Variants in CNGB3 observed in about 807,000 individuals in gnomAD.
CNGB3 encodes the protein cyclic nucleotide-gated channel beta-3.
Under a neutral mutation model 92.8 loss-of-function variants are expected in CNGB3, and 86 were observed. The ratio of observed to expected loss-of-function variants is 0.93; its 90% CI spans 0.78 to 1.11. The LOEUF is 1.11. Among genes scored for constraint, CNGB3 ranks in the 50% least tolerant of loss-of-function variants. The pLI, the probability that CNGB3 is intolerant of heterozygous loss-of-function variation, is 0.00. For missense variants in CNGB3, 1,026 were observed against 956.8 expected (o/e 1.07, Z -0.95); for synonymous variants, 333 against 332.7 (o/e 1.00, Z -0.01).
At chr8:86,729,329 C>G (rs968648794) in intron 2 of CNGB3, among the ~76,000 whole-genome samples, 2 of 152,178 alleles carry the variant, frequency 1.3e-5, no homozygotes, top group Non-Finnish European at 2.9e-5. Flanking sequence ...AAATGACCAA[C>G]TGTTCTGCAA....
At chr8:86,611,478 A>T in intron 14 of CNGB3, 110 bp downstream of exon 14, 1 of 792,152 alleles carries the variant, frequency 1.3e-6, no homozygotes, top group Non-Finnish European at 2.3e-6. Context: ...TTATTTCTAT[A>T]CTATGGAATT....
chr8:86,670,865 A>G, intron 4 of CNGB3, 79 bp downstream of exon 4: 2 of 1,470,058 alleles, frequency 1.4e-6, no homozygotes, highest in Non-Finnish European at 1.9e-6. Flanking sequence ...CTTTTGGGAG[A>G]TCCAAACTAA....
chr8:86,666,844 A>G, intron 6 of CNGB3, 81 bp downstream of exon 6: 2 of 1,134,984 alleles, frequency 1.8e-6, no homozygotes, highest in South Asian at 2.5e-5. Context: ...CAAACATTAA[A>G]TAAAACAATG....
In CNGB3 at chr8:86,578,829, C is replaced by T. The variant is rs1458063509; in HGVS notation, c.1963G>A (p.Ala655Thr). Residue 655 changes from alanine to threonine, a missense_variant, in exon 17 of 18, where the codon GCA becomes ACA. Physicochemically the swap from Ala to Thr is moderately conservative, Grantham distance 58. Coordinates refer to ENST00000320005, the MANE Select transcript of CNGB3 (RefSeq NM_019098.5). The part of the protein sequence containing the change: ...LLKQKAKTAE[A>T]TPPRKDLALL... ...GCAAGATCTTTTCTTGGAGGGGTTG[C>T]TTCTGCGGTCTTAGCCTTCTGCTTT... The T allele has an allele frequency of 1.2e-6, 2 of 1,614,144 alleles. No homozygotes were observed. The highest frequency in any genetic ancestry group is 1.7e-6 in the Non-Finnish European group (2 of 1,180,034).
intron 15 of CNGB3, among the ~76,000 whole-genome samples, chr8:86,580,192 G>GGGT (rs1554604970): frequency 0.012 from 1,741 of 143,890 alleles, 45 homozygotes; most frequent in African/African-American, 0.043. Context: ...GAATAGCACG[G>GGGT]GGGGGGTGGC....
At chr8:86,620,252 C>T (rs1822698315) in intron 13 of CNGB3, among the ~76,000 whole-genome samples, 1 of 152,192 alleles carries the variant, frequency 6.6e-6, no homozygotes. Flanking sequence ...TTTGTTAGGG[C>T]TGCCATAACA....
intron 6 of CNGB3, among the ~76,000 whole-genome samples, chr8:86,654,383 A>G (rs1167917418): frequency 6.6e-6 from 1 of 152,174 alleles, no homozygotes; most frequent in Non-Finnish European, 1.5e-5. Flanking sequence ...CATCAAGGCT[A>G]ACAGTGCAAA....
intron 13 of CNGB3, among the ~76,000 whole-genome samples, chr8:86,622,480 A>T (rs1822758936): frequency 6.6e-6 from 1 of 151,524 alleles, no homozygotes; most frequent in Admixed American, 6.6e-5. Flanking sequence ...ACACTTATGT[A>T]CCTTCCCCGG....
chr8:86,737,469 G>A (rs1825267849), intron 2 of CNGB3, among the ~76,000 whole-genome samples: 1 of 152,194 alleles, frequency 6.6e-6, no homozygotes, highest in South Asian at 2.1e-4. Context: ...TGAGAGTGGG[G>A]CCATTTGTTC....
intron 3 of CNGB3, among the ~76,000 whole-genome samples, chr8:86,724,836 G>A (rs999315089): frequency 2.0e-5 from 3 of 152,024 alleles, no homozygotes; most frequent in African/African-American, 2.4e-5. Flanking sequence ...CGGCAGGAGG[G>A]AACATGACAA....
chr8:86,574,501 C>A lies in CNGB3; in HGVS notation c.*1303G>T, dbSNP rs17683284. On this transcript the variant is annotated 3_prime_UTR_variant, in exon 18 of 18. Coordinates refer to ENST00000320005, the MANE Select transcript of CNGB3 (RefSeq NM_019098.5). ...AACACTACATGCAAAAACGGTGACT[C>A]TATCAAATGATGCAGTTTATTATAG... is the stretch of plus-strand genomic sequence containing the variant. 2 of 152,272 alleles carry A rather than the reference C, an allele frequency of 1.3e-5. No homozygotes were observed. The highest frequency in any genetic ancestry group is 4.1e-4 in the South Asian group (2 of 4,828). The allele number at this position is 152,272 out of a possible 1,614,324, so 9.4% of individuals were successfully genotyped here. A position where few individuals can be genotyped will look rare whatever the true frequency, so the allele number is the denominator to read the frequency against.
chr8:86,623,265 A>C (rs917868057), intron 13 of CNGB3, among the ~76,000 whole-genome samples: 1 of 152,180 alleles, frequency 6.6e-6, no homozygotes, highest in Admixed American at 6.5e-5. Context: ...GAAATTTTCA[A>C]CTGGAATCTA....
intron 3 of CNGB3, among the ~76,000 whole-genome samples, chr8:86,716,152 T>G (rs1452869283): frequency 2.0e-5 from 3 of 152,074 alleles, no homozygotes; most frequent in East Asian, 3.9e-4. Flanking sequence ...AAGACGAGGC[T>G]TTCAAATTAA....
chr8:86,692,831 T>G (rs1038361590), intron 3 of CNGB3, among the ~76,000 whole-genome samples: 10 of 152,098 alleles, frequency 6.6e-5, no homozygotes, highest in Admixed American at 5.2e-4. Flanking sequence ...TTCTGTGAAG[T>G]TTTTGCTTTA....
chr8:86,663,394 C>A (rs975151844), intron 6 of CNGB3, among the ~76,000 whole-genome samples: 2 of 152,170 alleles, frequency 1.3e-5, no homozygotes, highest in Non-Finnish European at 2.9e-5. Context: ...ATTCTGTTAT[C>A]TTTGTAGCAC....
At chr8:86,676,253 G>A (rs1161983856) in intron 3 of CNGB3, among the ~76,000 whole-genome samples, 1 of 152,156 alleles carries the variant, frequency 6.6e-6, no homozygotes, top group African/African-American at 2.4e-5. Flanking sequence ...ATGGTAACAT[G>A]AGTGGGTGGT....
chr8:86,709,457 A>G (rs1039684948), intron 3 of CNGB3, among the ~76,000 whole-genome samples: 2 of 152,168 alleles, frequency 1.3e-5, no homozygotes, highest in African/African-American at 4.8e-5. Context: ...TGCCCACATA[A>G]AGAGCATTGG....
intron 3 of CNGB3, among the ~76,000 whole-genome samples, chr8:86,685,809 G>T (rs987826605): frequency 3.9e-5 from 6 of 152,056 alleles, no homozygotes; most frequent in Non-Finnish European, 7.4e-5. Flanking sequence ...GGCAGAACTA[G>T]TCTTATAATG....
At chr8:86,733,683 G>A (rs111677784) in intron 2 of CNGB3, among the ~76,000 whole-genome samples, 20 of 152,246 alleles carry the variant, frequency 1.3e-4, no homozygotes, top group African/African-American at 3.4e-4. Context: ...CTGGTTGGTC[G>A]TACACGGTAA....
Sources: gnomAD v4.1 joint callset for allele counts (sites outside exome capture counted in the v4.1 genomes callset) on GRCh38, gnomAD v4.1.1 for gene constraint, MANE v1.5 for transcripts, NCBI Gene and HGNC (gene_info 2026-07-23, HGNC 2026-07-21) for gene names.